The following KAZN variants were observed in gnomAD, a reference collection of about 807,000 sequenced individuals.
KAZN encodes kazrin, periplakin interacting protein.
A neutral mutation model predicts 87.4 loss-of-function variants in KAZN; 40 were observed. The ratio of observed to expected loss-of-function variants is 0.46; its 90% confidence interval spans 0.36 to 0.60. The LOEUF (loss-of-function observed/expected upper bound fraction) is 0.60. KAZN is among the 20% of genes least tolerant of loss of function. The pLI, the probability that KAZN is intolerant of heterozygous loss-of-function variation, is 0.00. For missense variants in KAZN, 898 were observed against 1,073.9 expected, an observed-to-expected ratio of 0.84 and a Z score of 2.29; for synonymous variants, 466 against 458.3, an observed-to-expected ratio of 1.02 and a Z score of -0.22.
rs149172742 is a variant in KAZN, at chr1:15,081,541, G to A, written c.1223-12639G>A. On this transcript the variant is annotated intron_variant, in intron 8 of 14. Transcript: ENST00000376030. This position sits in a 1 kb window ranked among gnomAD's most constrained non-coding sequence, Gnocchi z 4.1. ...CTGTGAGAGATGTCATGCAGGAAAG[G>A]TTCCAGGAATTAATGACAGCGTGTG... Among the ~76,000 whole-genome samples the A allele has an allele frequency of 4.4e-3, 671 of 151,972 alleles. 7 individuals carry two copies. Among genetic ancestry groups the A allele is most frequent in the African/African-American group, 0.015 (626 of 41,442 alleles).
At chr1:14,794,056 A>G (rs6429678) in intron 1 of KAZN, among the ~76,000 whole-genome samples, 35,788 of 152,126 alleles carry the variant, frequency 0.24, 4,777 homozygotes, top group African/African-American at 0.37. Flanking sequence ...AGCGTTTGCT[A>G]AAATCTCACC....
intron 13 of KAZN, among the ~76,000 whole-genome samples, chr1:15,110,059 G>A (rs1641468455): frequency 3.0e-5 from 1 of 32,828 alleles, no homozygotes; most frequent in East Asian, 3.0e-3. Flanking sequence ...ATATGTGCGT[G>A]TGTGTGCCTG....
At chr1:14,705,315 T>C (rs1442980160) in intron 1 of KAZN, among the ~76,000 whole-genome samples, 1 of 152,226 alleles carries the variant, frequency 6.6e-6, no homozygotes, top group East Asian at 1.9e-4. Context: ...GAGAGAACTG[T>C]TATACACTGT....
At chr1:14,060,186 A>G (rs1642734272) in intron 1 of KAZN, among the ~76,000 whole-genome samples, 1 of 151,878 alleles carries the variant, frequency 6.6e-6, no homozygotes, top group Non-Finnish European at 1.5e-5. Flanking sequence ...ACACAGTGAA[A>G]CCCCGTCTCT....
At chr1:14,149,911 A>G (rs1418427806) in intron 1 of KAZN, among the ~76,000 whole-genome samples, 1 of 152,216 alleles carries the variant, frequency 6.6e-6, no homozygotes, top group African/African-American at 2.4e-5. Context: ...CGATCTCTCT[A>G]ATGATGAAAA....
intron 1 of KAZN, among the ~76,000 whole-genome samples, chr1:14,619,606 G>C (rs1480437478): frequency 6.6e-6 from 1 of 152,180 alleles, no homozygotes; most frequent in African/African-American, 2.4e-5. Flanking sequence ...CTTTCACGAT[G>C]TTTTGCAACC....
chr1:14,719,950 G>A (rs1643009813), intron 1 of KAZN, among the ~76,000 whole-genome samples: 1 of 146,554 alleles, frequency 6.8e-6, no homozygotes, highest in Admixed American at 6.9e-5. Flanking sequence ...AAAACAACAG[G>A]GGAATTAGAG....
chr1:15,062,703 C>G (rs998916849), intron 6 of KAZN: 1 of 152,196 alleles, frequency 6.6e-6, no homozygotes, highest in Non-Finnish European at 1.5e-5. Context: ...TGTTTTGATC[C>G]AAAGGATCTG....
chr1:14,202,044 C>T (rs181149993), intron 2 of KAZN, among the ~76,000 whole-genome samples: 8 of 152,282 alleles, frequency 5.3e-5, no homozygotes, highest in Admixed American at 5.2e-4. Context: ...TCTGTGTAAT[C>T]ACTTTAATTT....
chr1:14,216,268 A>G (rs1344256723), intron 2 of KAZN, among the ~76,000 whole-genome samples: 2 of 152,190 alleles, frequency 1.3e-5, no homozygotes, highest in Non-Finnish European at 2.9e-5. Flanking sequence ...AAAGTAGCCA[A>G]AACTGGGAGA....
chr1:14,473,025 A>C (rs896945229), intron 2 of KAZN, among the ~76,000 whole-genome samples: 9 of 152,120 alleles, frequency 5.9e-5, no homozygotes, highest in African/African-American at 2.2e-4. Flanking sequence ...CTCCAAGTAG[A>C]TGGTAATGGA....
intron 2 of KAZN, among the ~76,000 whole-genome samples, chr1:14,377,906 G>A (rs2101038328): frequency 6.6e-6 from 1 of 152,258 alleles, no homozygotes; most frequent in South Asian, 2.1e-4. Context: ...TTCCCAAATG[G>A]AAAAACTGAG....
intron 2 of KAZN, among the ~76,000 whole-genome samples, chr1:15,025,433 C>T (rs1159543957): frequency 6.6e-6 from 1 of 152,196 alleles, no homozygotes; most frequent in Non-Finnish European, 1.5e-5. Flanking sequence ...AGTTCTCAAA[C>T]ATGCCAGCCC....
intron 1 of KAZN, among the ~76,000 whole-genome samples, chr1:14,789,760 C>CAAAAAAAAAAAAAAAAAAAA (rs3032757): frequency 2.2e-5 from 1 of 46,234 alleles, no homozygotes; most frequent in African/African-American, 8.3e-5. Flanking sequence ...TCCTCATTAC[C>CAAAAAAAAAAAAAAAAAAAA]AAAAAAAAAA....
At position 14,670,198 on chromosome 1, in the gene KAZN, A is replaced by G. The variant is rs1043088672; in HGVS notation, c.226+70975A>G. Among the ~76,000 whole-genome samples, 5 of 148,392 alleles carry G rather than the reference A, an allele frequency of 3.4e-5. No homozygotes were observed. The East Asian group carries it at 8.0e-4, about 24-fold the overall frequency. On this transcript the variant is annotated intron_variant, in intron 1 of 14. Coordinates refer to ENST00000376030, the MANE Select transcript of KAZN (RefSeq NM_201628.3). Reference sequence around the variant, plus strand: ...AAAAACTTAGACTCTTTAGTATACTATAAGTTTCTCTCCCCACAAGATAGT... The same window carrying G: ...AAAAACTTAGACTCTTTAGTATACTGTAAGTTTCTCTCCCCACAAGATAGT...
At chr1:14,430,378 C>G (rs1242163465) in intron 2 of KAZN, among the ~76,000 whole-genome samples, 2 of 152,094 alleles carry the variant, frequency 1.3e-5, no homozygotes, top group South Asian at 2.1e-4. Flanking sequence ...ACACCTAGAA[C>G]AGAGTTTGAC....
At chr1:14,077,352 G>T (rs1195770524) in intron 1 of KAZN, among the ~76,000 whole-genome samples, 1 of 152,126 alleles carries the variant, frequency 6.6e-6, no homozygotes, top group South Asian at 2.1e-4. Context: ...TAATGAAAAG[G>T]TTTTTTCTAG....
intron 1 of KAZN, among the ~76,000 whole-genome samples, chr1:14,684,955 C>T (rs892777755): frequency 6.6e-6 from 1 of 152,116 alleles, no homozygotes; most frequent in African/African-American, 2.4e-5. Context: ...TACAGGCTAC[C>T]ACAGATGGGA....
Position 15,060,282 on chromosome 1 carries a change from C to T in KAZN, c.1027C>T (p.Arg343Trp), listed in dbSNP as rs748019374. The T allele has an allele frequency of 3.1e-6, 5 of 1,614,196 alleles. No individual in the cohort carries two copies. Among genetic ancestry groups the T allele is most frequent in the East Asian group, 2.2e-5 (1 of 44,880 alleles). ...TPSDINSPRH[R>W]THSLCNGDSP... The stretch of plus-strand genomic sequence containing the variant: ...GAGCGACATCAACTCCCCTCGACAC[C>T]GGACACACTCCCTCTGCAACGTAAG... Residue 343 changes from arginine (R) to tryptophan (W), a missense_variant, in exon 6 of 15, where the codon CGG (arginine) becomes TGG (tryptophan). Arg to Trp is a moderately radical substitution (Grantham distance 101). Transcript: ENST00000376030.
Sources: gnomAD v4.1 joint callset for allele counts (sites outside exome capture counted in the v4.1 genomes callset) on GRCh38, gnomAD v4.1.1 for gene constraint, Gnocchi (gnomAD v3.1) non-coding constraint, MANE v1.5 for transcripts, NCBI Gene and HGNC (gene_info 2026-07-23, HGNC 2026-07-21) for gene names.